Variants in PDSS2 observed in about 807,000 individuals in gnomAD.
PDSS2 encodes all trans-polyprenyl-diphosphate synthase PDSS2.
Under a neutral mutation model 44.5 loss-of-function variants are expected in PDSS2, and 31 were observed. The ratio of observed to expected loss-of-function variants is 0.70; its 90% CI spans 0.52 to 0.94. The LOEUF is 0.94. PDSS2 is among the 40% of genes least tolerant of loss of function. PDSS2 has a pLI of 0.00. For missense variants in PDSS2, 452 were observed against 482.2 expected (o/e 0.94, Z 0.59); for synonymous variants, 157 against 180.3 (o/e 0.87, Z 1.03).
chr6:107,245,111 A>G (rs921680443), intron 4 of PDSS2, among the ~76,000 whole-genome samples: 11 of 152,192 alleles, frequency 7.2e-5, no homozygotes, highest in Non-Finnish European at 5.9e-5. Context: ...TGCATCTTGT[A>G]TATAAAAGAT....
intron 7 of PDSS2, among the ~76,000 whole-genome samples, chr6:107,162,494 CAA>C (rs374615595): frequency 0.072 from 4,197 of 57,944 alleles, 37 homozygotes; most frequent in Non-Finnish European, 0.095. Context: ...GAGACCATCT[CAA>C]AAAAAAAAAA....
chr6:107,243,720 G>C (rs540234952), intron 4 of PDSS2, among the ~76,000 whole-genome samples: 2 of 152,264 alleles, frequency 1.3e-5, no homozygotes, highest in South Asian at 4.2e-4. Flanking sequence ...GGAAGTGCTG[G>C]GTAGAGAAAG....
intron 4 of PDSS2, among the ~76,000 whole-genome samples, chr6:107,229,405 A>G (rs552326387): frequency 1.5e-4 from 23 of 152,058 alleles, no homozygotes; most frequent in Non-Finnish European, 2.1e-4. Flanking sequence ...GGCTGGTCTC[A>G]AACTCCTGAC....
chr6:107,222,520 G>T (rs1214227551), intron 4 of PDSS2, among the ~76,000 whole-genome samples: 1 of 151,886 alleles, frequency 6.6e-6, no homozygotes, highest in Admixed American at 6.6e-5. Flanking sequence ...GCTGGGCGTG[G>T]TGGCAGCACC....
intron 1 of PDSS2, among the ~76,000 whole-genome samples, chr6:107,414,810 G>T (rs1374117168): frequency 6.6e-6 from 1 of 152,166 alleles, no homozygotes; most frequent in Non-Finnish European, 1.5e-5. Flanking sequence ...CAGCAAGAAG[G>T]GTTAGGAAAC....
intron 1 of PDSS2, among the ~76,000 whole-genome samples, chr6:107,400,832 C>T (rs1392932002): frequency 2.0e-5 from 3 of 152,162 alleles, no homozygotes; most frequent in African/African-American, 7.2e-5. Flanking sequence ...CCAGCTCTAC[C>T]CAGCTCTGCC....
At chr6:107,372,408 G>A (rs1246608078) in intron 1 of PDSS2, among the ~76,000 whole-genome samples, 2 of 152,090 alleles carry the variant, frequency 1.3e-5, no homozygotes, top group African/African-American at 4.8e-5. Flanking sequence ...TGGGAAGTAG[G>A]AGGAAAAGGG....
At chr6:107,319,489 C>T (rs189838490) in intron 2 of PDSS2, among the ~76,000 whole-genome samples, 4 of 152,192 alleles carry the variant, frequency 2.6e-5, no homozygotes, top group African/African-American at 9.6e-5. Context: ...AGAATGGCAA[C>T]CACAAAAGAC....
At chr6:107,382,561 G>A (rs529028007) in intron 1 of PDSS2, among the ~76,000 whole-genome samples, 1 of 152,270 alleles carries the variant, frequency 6.6e-6, no homozygotes, top group South Asian at 2.1e-4. Context: ...ATTTGGTCAG[G>A]TGCAATGGCT....
chr6:107,458,186 G>GA (rs539608567), intron 1 of PDSS2, among the ~76,000 whole-genome samples: 280 of 142,978 alleles, frequency 2.0e-3, no homozygotes, highest in Admixed American at 1.7e-3. Context: ...TTAAGTGGAA[G>GA]AAAAAAAAAA....
At chr6:107,394,340 A>G (rs944322956) in intron 1 of PDSS2, among the ~76,000 whole-genome samples, 2 of 152,220 alleles carry the variant, frequency 1.3e-5, no homozygotes, top group African/African-American at 4.8e-5. Context: ...TACAGGAAGC[A>G]TAACACCAGC....
intron 1 of PDSS2, among the ~76,000 whole-genome samples, chr6:107,376,663 G>C (rs918126742): frequency 2.6e-5 from 4 of 152,176 alleles, no homozygotes; most frequent in African/African-American, 9.6e-5. Context: ...TTTGGGCTGA[G>C]ACAATGGGGT....
intron 1 of PDSS2, among the ~76,000 whole-genome samples, chr6:107,353,044 T>C (rs1031003054): frequency 6.6e-6 from 1 of 152,224 alleles, no homozygotes; most frequent in African/African-American, 2.4e-5. Flanking sequence ...ATTACTATTA[T>C]CAGAATTACT....
chr6:107,338,507 G>T (rs957259731), intron 1 of PDSS2, among the ~76,000 whole-genome samples: 2 of 152,214 alleles, frequency 1.3e-5, no homozygotes, highest in Non-Finnish European at 2.9e-5. Context: ...CCCTTCTTGT[G>T]TATAGTAGTC....
chr6:107,245,708 G>T, intron 3 of PDSS2, 89 bp from the exon 4 acceptor site: 2 of 821,332 alleles, frequency 2.4e-6, no homozygotes, highest in Non-Finnish European at 3.8e-6. Flanking sequence ...CAGTGGCAAG[G>T]CAGAATTTTT....
At chr6:107,274,863 G>C (rs559415436) in intron 2 of PDSS2, among the ~76,000 whole-genome samples, 1 of 151,922 alleles carries the variant, frequency 6.6e-6, no homozygotes, top group African/African-American at 2.4e-5. Context: ...GGTAGAGATG[G>C]GGTTTTGCCA....
At chr6:107,439,628 G>A (rs1161617593) in intron 1 of PDSS2, among the ~76,000 whole-genome samples, 1 of 152,160 alleles carries the variant, frequency 6.6e-6, no homozygotes, top group Non-Finnish European at 1.5e-5. Flanking sequence ...ACTCCATTCA[G>A]GGGTGATCCT....
intron 2 of PDSS2, among the ~76,000 whole-genome samples, chr6:107,291,655 C>G (rs1367705975): frequency 6.6e-6 from 1 of 151,416 alleles, no homozygotes; most frequent in Non-Finnish European, 1.5e-5. Context: ...TATGAGTCAC[C>G]ATGCACAGCC....
At chr6:107,354,571 T>G (rs1010137490) in intron 1 of PDSS2, among the ~76,000 whole-genome samples, 2 of 152,204 alleles carry the variant, frequency 1.3e-5, no homozygotes, top group African/African-American at 4.8e-5. Context: ...AGTCTGGCAG[T>G]GAAGTCTGAA....
Sources: gnomAD v4.1 joint callset for allele counts (sites outside exome capture counted in the v4.1 genomes callset) on GRCh38, gnomAD v4.1.1 for gene constraint, MANE v1.5 for transcripts, NCBI Gene and HGNC (gene_info 2026-07-23, HGNC 2026-07-21) for gene names.